CCNC: variants seen among roughly 807,000 people sequenced by gnomAD.
CCNC encodes cyclin-C.
A neutral mutation model predicts 50.0 loss-of-function variants in CCNC; 19 were observed. The observed-to-expected ratio is 0.38, with a 90% confidence interval of 0.27 to 0.56. The LOEUF is 0.56. Among genes scored for constraint, CCNC ranks in the 20% least tolerant of loss-of-function variants. CCNC has a pLI of 0.72. For synonymous variants in CCNC, 93 were observed against 103.7 expected (o/e 0.90, Z 0.63); for missense variants, 200 against 327.1 (o/e 0.61, Z 3.00).
rs539317568 is a variant in CCNC at position 99,542,670 on chromosome 6, G to A, written c.*885C>T. On this transcript the variant is annotated 3_prime_UTR_variant, in exon 12 of 12. Coordinates refer to ENST00000520429, the MANE Select transcript of CCNC (RefSeq NM_005190.4). ...TATCAAACTGGCCTGAAACCTGATT[G>A]TGTTCCTGGTTCAGAATACCTGTAG... 2 of 152,678 alleles carry A rather than the reference G, an allele frequency of 1.3e-5. No homozygotes were observed. Among genetic ancestry groups the A allele is most frequent in the South Asian group, 4.2e-4 (2 of 4,818 alleles). 9.5% of individuals were successfully genotyped at this position (152,678 alleles called of 1,614,324 possible). A position where few individuals can be genotyped will look rare whatever the true frequency, so the allele number is the denominator to read the frequency against.
At chr6:99,563,862 G>A (rs1768977773) in intron 1 of CCNC, among the ~76,000 whole-genome samples, 2 of 151,516 alleles carry the variant, frequency 1.3e-5, no homozygotes, top group African/African-American at 2.4e-5. Flanking sequence ...CACATGCTGT[G>A]CTATTTTAGA....
chr6:99,565,608 TA>T (rs1769090248), intron 1 of CCNC, among the ~76,000 whole-genome samples: 1 of 152,068 alleles, frequency 6.6e-6, no homozygotes, highest in South Asian at 2.1e-4. Flanking sequence ...GGTAAAATCT[TA>T]AATAGGCACC....
intron 10 of CCNC, among the ~76,000 whole-genome samples, 162 bp from the exon 11 acceptor site, chr6:99,545,392 G>A (rs2296154): frequency 0.14 from 21,784 of 152,068 alleles, 1,836 homozygotes; most frequent in Middle Eastern, 0.24. Context: ...TGCTGTTTAG[G>A]ATTTTCCTTC....
intron 5 of CCNC, among the ~76,000 whole-genome samples, chr6:99,555,933 A>G (rs1244056398): frequency 6.6e-6 from 1 of 152,082 alleles, no homozygotes; most frequent in Non-Finnish European, 1.5e-5. Context: ...CTCAAAACAC[A>G]TTTCTGACTC....
At chr6:99,548,289 C>T (rs541951821) in intron 9 of CCNC, among the ~76,000 whole-genome samples, 1 of 152,096 alleles carries the variant, frequency 6.6e-6, no homozygotes, top group East Asian at 1.9e-4. Flanking sequence ...TCCTTCCTAC[C>T]TATGCAGATC....
intron 9 of CCNC, among the ~76,000 whole-genome samples, chr6:99,547,560 G>A (rs569182829): frequency 3.6e-4 from 54 of 152,086 alleles, no homozygotes; most frequent in Non-Finnish European, 5.0e-4. Context: ...CTAGCTCCGG[G>A]TTTCTCAATC....
chr6:99,545,005 G>A (rs1802017379), intron 11 of CCNC, 107 bp downstream of exon 11: 2 of 621,130 alleles, frequency 3.2e-6, no homozygotes, highest in South Asian at 2.2e-5. Flanking sequence ...GGATCATGAA[G>A]TTTTGGAAGA....
chr6:99,566,335 ATC>A (rs1393959683), intron 1 of CCNC, among the ~76,000 whole-genome samples: 6 of 152,058 alleles, frequency 3.9e-5, no homozygotes, highest in African/African-American at 1.4e-4. Context: ...TATTTCTATT[ATC>A]TCTCAATTAT....
chr6:99,554,091 T>A lies in CCNC; in HGVS notation c.347-2196A>T, dbSNP rs1385160862. On this transcript the variant is annotated intron_variant, in intron 5 of 11. Coordinates refer to ENST00000520429, the MANE Select transcript of CCNC (RefSeq NM_005190.4). Reference sequence around the variant, plus strand: ...TTTTCTAGCCTTTCCTTGTTTTTGATGACTTTGACAGTTTTTAGGAGTACC... The same window carrying A: ...TTTTCTAGCCTTTCCTTGTTTTTGAAGACTTTGACAGTTTTTAGGAGTACC... 3.3e-5 allele frequency among the ~76,000 whole-genome samples: 5 copies of A among 152,268 alleles called. 1 individual carries two copies. The South Asian group carries it at 6.2e-4, about 19-fold the overall frequency.
At chr6:99,562,650 T>C (rs1251811174) in intron 2 of CCNC, 192 bp downstream of exon 2, 3 of 498,048 alleles carry the variant, frequency 6.0e-6, no homozygotes, top group African/African-American at 4.0e-5. Context: ...GCCTGTGATA[T>C]GTAAAATTCA....
intron 1 of CCNC, among the ~76,000 whole-genome samples, 181 bp from the exon 2 acceptor site, chr6:99,563,129 CCTGAAAAAATTCTG>C (rs1372533405): frequency 6.6e-6 from 1 of 152,166 alleles, no homozygotes; most frequent in Non-Finnish European, 1.5e-5. Context: ...GTAAATACGT[CCTGAAAAAATTCTG>C]CTCTAATCTT....
At chr6:99,548,226 CAAG>C (rs1444279501) in intron 9 of CCNC, among the ~76,000 whole-genome samples, 2 of 151,956 alleles carry the variant, frequency 1.3e-5, no homozygotes, top group Non-Finnish European at 2.9e-5. Context: ...TTAAAGTACC[CAAG>C]AAGAAGACAG....
intron 8 of CCNC, 80 bp downstream of exon 8, chr6:99,550,138 A>C: frequency 1.0e-6 from 1 of 1,004,326 alleles, no homozygotes; most frequent in Non-Finnish European, 1.5e-6. Context: ...ATGACTTTAA[A>C]AATACTTAAC....
rs1583580384 is a variant in CCNC at position 99,556,256 on chromosome 6, A to G, written c.346+2241T>C. ...ACTCTGTATCCATTAATCACTCCCT[A>G]TACCACCCTTCCTCCAGCCCTACCA... is the stretch of plus-strand genomic sequence containing the variant. On this transcript the variant is annotated intron_variant, in intron 5 of 11. Coordinates refer to ENST00000520429, the MANE Select transcript of CCNC (RefSeq NM_005190.4). Among the ~76,000 whole-genome samples the G allele has an allele frequency of 2.6e-5, 4 of 152,262 alleles. 1 individual carries two copies. Among genetic ancestry groups the G allele is most frequent in the African/African-American group, 9.6e-5 (4 of 41,564 alleles).
intron 1 of CCNC, 147 bp downstream of exon 1, chr6:99,568,349 C>T: frequency 2.7e-6 from 2 of 735,438 alleles, no homozygotes; most frequent in Non-Finnish European, 4.5e-6. Context: ...CTCAGAAAAG[C>T]GCATCTTGAT....
chr6:99,556,191 T>A (rs1802502884), intron 5 of CCNC, among the ~76,000 whole-genome samples: 1 of 152,260 alleles, frequency 6.6e-6, no homozygotes. Context: ...TTTTTGTTTT[T>A]AAATTGTGTT....
Position 99,555,411 on chromosome 6 carries a change from A to G in CCNC, c.346+3086T>C, listed in dbSNP as rs150047521. Among the ~76,000 whole-genome samples the G allele has an allele frequency of 8.9e-3, 1,330 of 149,604 alleles. 67 individuals are homozygous for G. The highest frequency in any genetic ancestry group is 0.081 in the Admixed American group (1,208 of 14,890). ...TTTTCTTTGGTTCACATCTTTTTCT[A>G]TGCAGCATAAGACATTGTGGAACTC... is the stretch of plus-strand genomic sequence containing the variant. On this transcript the variant is annotated intron_variant, in intron 5 of 11. Coordinates refer to ENST00000520429, the MANE Select transcript of CCNC (RefSeq NM_005190.4).
rs781554369 is a variant in CCNC at position 99,549,446 on chromosome 6, T to C, written c.598+62A>G. 7.1e-6 allele frequency: 8 copies of C among 1,130,430 alleles called. No individual in the cohort carries two copies. In the African/African-American group the frequency reaches 1.2e-4, roughly 17 times the overall value. 70.0% of individuals were successfully genotyped at this position (1,130,430 alleles called of 1,614,324 possible). A position where few individuals can be genotyped will look rare whatever the true frequency, so the allele number is the denominator to read the frequency against. On this transcript the variant is annotated intron_variant, in intron 9 of 11. Coordinates refer to ENST00000520429, the MANE Select transcript of CCNC (RefSeq NM_005190.4). ...AAAGTACAATAGGGTGAAATTTAGT[T>C]TAGGATGACCTAAATAAGTTTATAA...
intron 5 of CCNC, among the ~76,000 whole-genome samples, chr6:99,553,025 G>C (rs1015911529): frequency 2.9e-4 from 41 of 142,922 alleles, no homozygotes; most frequent in African/African-American, 1.1e-3. Flanking sequence ...CTGGGTGACA[G>C]TGAGACTCCA....
Sources: gnomAD v4.1 joint callset for allele counts (sites outside exome capture counted in the v4.1 genomes callset) on GRCh38, gnomAD v4.1.1 for gene constraint, MANE v1.5 for transcripts, NCBI Gene and HGNC (gene_info 2026-07-23, HGNC 2026-07-21) for gene names.